The following CD300LG variants were observed in gnomAD, a reference collection of about 807,000 sequenced individuals.
CD300LG encodes CMRF35-like molecule 9.
In CD300LG, 29 loss-of-function variants were observed where a neutral mutation model predicts 31.5. That is an observed-to-expected ratio of 0.92 (90% CI 0.68 to 1.25). The LOEUF is 1.25. Ranked by LOEUF, CD300LG falls within the 50% of genes most tolerant of loss-of-function variation. CD300LG has a pLI of 0.00. For synonymous variants in CD300LG, 175 were observed against 177.2 expected, an observed-to-expected ratio of 0.99 and a Z score of 0.10; for missense variants, 396 against 417.6, an observed-to-expected ratio of 0.95 and a Z score of 0.45.
At chr17:43,848,441 C>T (rs2046248197) in intron 1 of CD300LG, 117 bp from the exon 2 acceptor site, 2 of 841,718 alleles carry the variant, frequency 2.4e-6, no homozygotes, top group South Asian at 1.7e-5. Context: ...CCAAGGCTGT[C>T]CCCAGAAGGG....
intron 6 of CD300LG, among the ~76,000 whole-genome samples, chr17:43,860,084 C>T (rs1306834125): frequency 1.3e-5 from 2 of 152,150 alleles, no homozygotes; most frequent in African/African-American, 4.8e-5. Flanking sequence ...CTGCCTCTGC[C>T]CCCATCCACA....
intron 1 of CD300LG, 129 bp downstream of exon 1, chr17:43,847,388 GC>G: frequency 3.1e-6 from 3 of 963,156 alleles, no homozygotes; most frequent in Non-Finnish European, 4.4e-6. Context: ...GGGGAGCGGG[GC>G]GGGCTGGGGG....
chr17:43,860,119 G>A (rs2046621836), intron 6 of CD300LG, among the ~76,000 whole-genome samples: 1 of 152,174 alleles, frequency 6.6e-6, no homozygotes, highest in Non-Finnish European at 1.5e-5. Flanking sequence ...AGAGAAGCTG[G>A]GCCCCGGTTA....
rs892962210 is a variant in CD300LG, at chr17:43,863,636, C to T, written c.*1725C>T. 1 of 152,178 alleles carries T rather than the reference C, an allele frequency of 6.6e-6. No homozygotes were observed. Among genetic ancestry groups the T allele is most frequent in the African/African-American group, 2.4e-5 (1 of 41,448 alleles). 9.4% of individuals were successfully genotyped at this position (152,178 alleles called of 1,614,324 possible). On this transcript the variant is annotated 3_prime_UTR_variant, in exon 7 of 7. Transcript: ENST00000317310. ...AATGTTCATCAGCTGCATATTCCAT[C>T]CTATCAGTGTGTCTCAATTTATTTA...
intron 4 of CD300LG, among the ~76,000 whole-genome samples, chr17:43,854,306 G>C (rs577395970): frequency 2.0e-5 from 3 of 152,308 alleles, no homozygotes; most frequent in African/African-American, 7.2e-5. Context: ...CCCAGCCTCA[G>C]GGACGGCCAC....
At chr17:43,857,997 G>A in intron 6 of CD300LG, 1 of 1,481,780 alleles carries the variant, frequency 6.7e-7, no homozygotes, top group South Asian at 1.3e-5. Flanking sequence ...CCAACGGAGG[G>A]GGCTGCAGCA....
Position 43,857,149 on chromosome 17 carries a change from C to CA in CD300LG, c.879dup (p.Arg294ThrfsTer15). 6.2e-7 allele frequency: 1 copy of CA among 1,614,118 alleles called. No homozygotes were observed. Reference sequence around the variant, plus strand: ...CAGAGGAACGAGAAGTTCTGCCTCTCACGCTTGGTAAGGACAGAGGCATAT... The same window carrying CA: ...CAGAGGAACGAGAAGTTCTGCCTCTCAACGCTTGGTAAGGACAGAGGCATAT... On this transcript the variant is annotated frameshift_variant, in exon 6 of 7. Transcript: ENST00000317310. LOFTEE classifies it low-confidence loss of function (END_TRUNC).
chr17:43,859,420 C>T (rs1019047772), intron 6 of CD300LG, among the ~76,000 whole-genome samples: 19 of 152,300 alleles, frequency 1.2e-4, no homozygotes, highest in Middle Eastern at 3.4e-3. Flanking sequence ...CAGGGCCGAT[C>T]GTCCACAGTG....
At position 43,853,811 on chromosome 17, in the gene CD300LG, T is replaced by G; in HGVS notation, c.486T>G (p.Ser162=). ...GCATTGCTTTTGGACTTGTAGCTTCTCCTGGGCTCTACCCGGCAGCCACCA... is the reference window on the plus strand; with the variant it reads ...GCATTGCTTTTGGACTTGTAGCTTCGCCTGGGCTCTACCCGGCAGCCACCA... ...AQQTQPPGLT[S]PGLYPAATTA... The change falls in exon 4 of 7, where the codon TCT becomes TCG. Residue 162 remains serine, a synonymous_variant. Coordinates refer to ENST00000317310, the MANE Select transcript of CD300LG (RefSeq NM_145273.4). 6.2e-7 allele frequency: 1 copy of G among 1,613,276 alleles called. No individual in the cohort carries two copies. The highest frequency in any genetic ancestry group is 8.5e-7 in the Non-Finnish European group (1 of 1,179,506).
intron 2 of CD300LG, among the ~76,000 whole-genome samples, chr17:43,851,434 A>C (rs2046350842): frequency 6.6e-6 from 1 of 152,118 alleles, no homozygotes; most frequent in African/African-American, 2.4e-5. Context: ...AATCTGAAAC[A>C]CTTCTGTTCC....
intron 6 of CD300LG, among the ~76,000 whole-genome samples, chr17:43,859,077 G>A (rs894878937): frequency 1.3e-5 from 2 of 152,186 alleles, no homozygotes; most frequent in Admixed American, 1.3e-4. Flanking sequence ...GCCTGAAAGA[G>A]GCAGAACTGG....
chr17:43,849,765 T>A (rs1299326446), intron 2 of CD300LG: 1 of 152,216 alleles, frequency 6.6e-6, no homozygotes, highest in Non-Finnish European at 1.5e-5. Flanking sequence ...AGCTTTGATG[T>A]CTGCTTTATT....
At position 43,862,035 on chromosome 17, in the gene CD300LG, A is replaced by ACCCT; in HGVS notation, c.*128_*131dup. The ACCCT allele has an allele frequency of 1.7e-6, 1 of 592,072 alleles. No individual in the cohort carries two copies. Among genetic ancestry groups the ACCCT allele is most frequent in the Non-Finnish European group, 2.8e-6 (1 of 352,568 alleles). 36.7% of individuals were successfully genotyped at this position (592,072 alleles called of 1,614,324 possible). A position where few individuals can be genotyped will look rare whatever the true frequency, so the allele number is the denominator to read the frequency against. ...CTGCCCGGACTCCAGGGCTCTCCCC[A>ACCCT]CCCTCCCCAGGCTCTCCTCTTGCAT... On this transcript the variant is annotated 3_prime_UTR_variant, in exon 7 of 7. Coordinates refer to ENST00000317310, the MANE Select transcript of CD300LG (RefSeq NM_145273.4).
chr17:43,861,103 A>T, intron 6 of CD300LG: 1 of 985,372 alleles, frequency 1.0e-6, no homozygotes, highest in Non-Finnish European at 1.2e-6. Context: ...GCTGCCAAGA[A>T]CAGGCTGTTC....
chr17:43,854,341 A>G (rs1284434167), intron 4 of CD300LG, among the ~76,000 whole-genome samples: 2 of 152,210 alleles, frequency 1.3e-5, no homozygotes, highest in Admixed American at 1.3e-4. Context: ...TTTTGCCTGT[A>G]TACTTTGCAC....
At chr17:43,852,400 GA>G (rs1360906202) in intron 2 of CD300LG, among the ~76,000 whole-genome samples, 1 of 152,118 alleles carries the variant, frequency 6.6e-6, no homozygotes, top group Non-Finnish European at 1.5e-5. Flanking sequence ...TTTTAGTAGA[GA>G]GGGGGTTTCA....
rs114053401 is a variant in CD300LG, at chr17:43,859,537, C to T, written c.886-2261C>T. On this transcript the variant is annotated intron_variant, in intron 6 of 6. Transcript: ENST00000317310. ...GGCCTCTGCACTGCGAGGCTCTTTC[C>T]TCAAACTCAGTCACCCTGGAACAGG... Among the ~76,000 whole-genome samples the T allele has an allele frequency of 1.6e-3, 245 of 152,312 alleles. 4 individuals are homozygous for T. Among genetic ancestry groups the T allele is most frequent in the African/African-American group, 5.7e-3 (239 of 41,566 alleles).
chr17:43,855,212 C>T lies in CD300LG; in HGVS notation c.725C>T (p.Ser242Phe). The T allele has an allele frequency of 6.2e-7, 1 of 1,603,804 alleles. No individual in the cohort carries two copies. The change falls in exon 5 of 7, where the codon TCC becomes TTC. Residue 242 changes from serine to phenylalanine, a missense_variant. Ser to Phe is a radical substitution (Grantham distance 155, BLOSUM62 -2). Transcript: ENST00000317310. ...LSSGSSKPRV[S>F]IPMVRILAPV... is the part of the protein sequence containing the mutation. ...TCCTTGCGTCTCGTCTCCAGGGTGT[C>T]CATCCCGATGGTCCGCATACTGGCC...
chr17:43,857,282 T>A, intron 6 of CD300LG, 126 bp downstream of exon 6: 1 of 1,442,352 alleles, frequency 6.9e-7, no homozygotes, highest in East Asian at 2.5e-5. Context: ...CAGCGCTTGC[T>A]CCCCACCTTG....
Sources: allele counts gnomAD v4.1 joint callset (sites outside exome capture counted in the v4.1 genomes callset), GRCh38; gene constraint gnomAD v4.1.1; transcripts MANE v1.5; gene names NCBI Gene and HGNC (gene_info 2026-07-23, HGNC 2026-07-21).